Variants in HTR2C observed in about 807,000 individuals in gnomAD.
The protein encoded by HTR2C is 5-hydroxytryptamine receptor 2C, also known as 5-hydroxytryptamine (serotonin) receptor 2C, G protein-coupled.
Under a neutral mutation model 21.0 loss-of-function variants are expected in HTR2C, and 5 were observed. That is an observed-to-expected ratio of 0.24 (90% CI 0.12 to 0.50). The LOEUF (loss-of-function observed/expected upper bound fraction) is 0.50, where lower values mean the gene tolerates loss of function less well. Ranked by LOEUF, HTR2C falls within the 20% of genes least tolerant of loss-of-function variation. The probability of loss-of-function intolerance (pLI) is 0.98; values close to 1 mark genes in which losing one functional copy is unlikely to be tolerated. For missense variants in HTR2C, 271 were observed against 371.2 expected, an observed-to-expected ratio of 0.73 and a Z score of 2.22; for synonymous variants, 150 against 145.3, an observed-to-expected ratio of 1.03 and a Z score of -0.23.
chrX:114,608,162 G>T (rs1928553325), intron 1 of HTR2C, among the ~76,000 whole-genome samples: 2 of 111,094 alleles, frequency 1.8e-5, no homozygotes, highest in Middle Eastern at 9.4e-3. Context: ...GGTTTAATTT[G>T]ATCCTGTGTT....
intron 2 of HTR2C, among the ~76,000 whole-genome samples, chrX:114,695,453 C>T (rs1244221083): frequency 9.0e-6 from 1 of 111,438 alleles, no homozygotes; most frequent in African/African-American, 3.3e-5. Context: ...ACTAAATAAT[C>T]GACCCTCTGT....
rs185325862 is a variant in HTR2C at position 114,700,600 on chromosome X, A to C, written c.-79-26258A>C. Among the ~76,000 whole-genome samples, 10 of 112,752 alleles carry C rather than the reference A, an allele frequency of 8.9e-5. No individual in the cohort carries two copies. In the Admixed American group the frequency reaches 9.3e-4, roughly 11 times the overall value. ...GCAACCAAGATGGCCAAATAGGAAC[A>C]GCTCCAGTCTACAGCTCCCAGCCTG... On this transcript the variant is annotated intron_variant, in intron 2 of 5. Coordinates refer to ENST00000276198, the MANE Select transcript of HTR2C (RefSeq NM_000868.4).
At chrX:114,626,909 G>A (rs1021919208) in intron 2 of HTR2C, among the ~76,000 whole-genome samples, 1 of 111,967 alleles carries the variant, frequency 8.9e-6, no homozygotes, top group African/African-American at 3.2e-5. Context: ...TAAGTGGAAG[G>A]TCAGAGGCAA....
chrX:114,632,036 C>T (rs1319313611), intron 2 of HTR2C, among the ~76,000 whole-genome samples: 14 of 112,046 alleles, frequency 1.2e-4, no homozygotes, highest in Admixed American at 9.5e-4. Context: ...ATAACTATTG[C>T]TGGATAAATT....
chrX:114,680,706 A>G (rs1931717266), intron 2 of HTR2C, among the ~76,000 whole-genome samples: 2 of 111,828 alleles, frequency 1.8e-5, no homozygotes, highest in Non-Finnish European at 3.8e-5. Context: ...TCTAAGAAAC[A>G]GAATGAAGTT....
At chrX:114,646,160 A>T (rs1376508094) in intron 2 of HTR2C, among the ~76,000 whole-genome samples, 1 of 112,158 alleles carries the variant, frequency 8.9e-6, no homozygotes, top group East Asian at 2.8e-4. Context: ...TTATTGACAA[A>T]TATCATTTGA....
At chrX:114,831,032 A>C (rs1407742850) in intron 4 of HTR2C, among the ~76,000 whole-genome samples, 4 of 76,950 alleles carry the variant, frequency 5.2e-5, no homozygotes, top group African/African-American at 1.3e-4. Flanking sequence ...TGAACTCATC[A>C]TTTTTTATGG....
At chrX:114,627,554 G>A (rs1488601155) in intron 2 of HTR2C, among the ~76,000 whole-genome samples, 3 of 110,990 alleles carry the variant, frequency 2.7e-5, no homozygotes, top group Non-Finnish European at 5.7e-5. Context: ...TAAGCAATAA[G>A]GTTTATACAT....
chrX:114,902,976 A>G (rs782310096), intron 5 of HTR2C, among the ~76,000 whole-genome samples: 29 of 111,956 alleles, frequency 2.6e-4, no homozygotes, highest in Non-Finnish European at 3.6e-4. Flanking sequence ...TCATATATGT[A>G]TCCACATTCA....
At chrX:114,805,827 A>G (rs1414546159) in intron 4 of HTR2C, among the ~76,000 whole-genome samples, 5 of 84,609 alleles carry the variant, frequency 5.9e-5, no homozygotes, top group East Asian at 3.6e-4. Flanking sequence ...TATATACCAT[A>G]TATATACCAT....
chrX:114,718,929 T>C (rs1244016593), intron 2 of HTR2C, among the ~76,000 whole-genome samples: 1 of 101,397 alleles, frequency 9.9e-6, no homozygotes, highest in East Asian at 2.9e-4. Context: ...TATAATTATA[T>C]ATATAATATA....
intron 2 of HTR2C, among the ~76,000 whole-genome samples, chrX:114,692,873 A>G (rs1327557955): frequency 9.0e-6 from 1 of 111,643 alleles, no homozygotes; most frequent in African/African-American, 3.3e-5. Context: ...TTCAACAAGT[A>G]TTTCTTGAGT....
At chrX:114,756,919 A>G (rs782158042) in intron 4 of HTR2C, among the ~76,000 whole-genome samples, 38 of 111,776 alleles carry the variant, frequency 3.4e-4, no homozygotes, top group Non-Finnish European at 6.8e-4. Context: ...AAAAATTTTA[A>G]TTAAAAAATG....
chrX:114,694,283 G>A (rs1052123101), intron 2 of HTR2C, among the ~76,000 whole-genome samples: 8 of 109,444 alleles, frequency 7.3e-5, no homozygotes, highest in African/African-American at 2.3e-4. Context: ...ATTTTCACAT[G>A]GTGAAATTCA....
At chrX:114,798,195 G>C (rs1460783841) in intron 4 of HTR2C, among the ~76,000 whole-genome samples, 1 of 110,994 alleles carries the variant, frequency 9.0e-6, no homozygotes, top group Non-Finnish European at 1.9e-5. Context: ...AAAGCGCTCT[G>C]TTCCTTCATT....
chrX:114,647,099 A>C (rs1043594837), intron 2 of HTR2C, among the ~76,000 whole-genome samples: 6 of 111,389 alleles, frequency 5.4e-5, no homozygotes, highest in African/African-American at 2.0e-4. Context: ...GAACGGGGAA[A>C]GAACAGTTGT....
chrX:114,828,782 G>A (rs1240037996), intron 4 of HTR2C, among the ~76,000 whole-genome samples: 3 of 111,381 alleles, frequency 2.7e-5, no homozygotes, highest in African/African-American at 9.8e-5. Context: ...CTGTCTTTAA[G>A]GATTTACCTA....
intron 4 of HTR2C, among the ~76,000 whole-genome samples, chrX:114,772,328 A>G (rs184833097): frequency 2.7e-5 from 3 of 112,058 alleles, no homozygotes; most frequent in Admixed American, 1.9e-4. Context: ...ATTTCATATC[A>G]TCTACTACCT....
At chrX:114,806,062 T>TCC (rs2070423933) in intron 4 of HTR2C, among the ~76,000 whole-genome samples, 1 of 100,842 alleles carries the variant, frequency 9.9e-6, no homozygotes, top group Non-Finnish European at 2.0e-5. Flanking sequence ...ATACCATATA[T>TCC]ACACCATATA....
Sources: allele counts gnomAD v4.1 joint callset (sites outside exome capture counted in the v4.1 genomes callset), GRCh38; gene constraint gnomAD v4.1.1; transcripts MANE v1.5; gene names NCBI Gene and HGNC (gene_info 2026-07-23, HGNC 2026-07-21).